Variants in NXN observed in about 807,000 individuals in gnomAD.
NXN encodes nucleoredoxin 1.
NXN carries 16 observed loss-of-function variants against 48.6 expected under a neutral mutation model. The observed-to-expected ratio is 0.33, with a 90% confidence interval of 0.22 to 0.50. The LOEUF is 0.50. Among genes scored for constraint, NXN ranks in the 20% least tolerant of loss-of-function variants. NXN has a pLI of 0.98. For missense variants in NXN, 492 were observed against 605.5 expected, an observed-to-expected ratio of 0.81 and a Z score of 1.97; for synonymous variants, 281 against 269.6, an observed-to-expected ratio of 1.04 and a Z score of -0.41.
At chr17:947,625 C>A (rs955282146) in intron 1 of NXN, among the ~76,000 whole-genome samples, 2 of 148,530 alleles carry the variant, frequency 1.3e-5, no homozygotes, top group African/African-American at 5.0e-5. Flanking sequence ...CCAAGCCACT[C>A]GGGAGGCTGA....
intron 1 of NXN, among the ~76,000 whole-genome samples, chr17:894,735 G>A (rs907702639): frequency 7.9e-5 from 12 of 152,330 alleles, no homozygotes; most frequent in East Asian, 1.9e-4. Context: ...ACTGGTGTCC[G>A]CAGGGACGGG....
chr17:944,473 C>T (rs775117774), intron 1 of NXN, among the ~76,000 whole-genome samples: 3 of 152,318 alleles, frequency 2.0e-5, no homozygotes, highest in East Asian at 1.9e-4. Flanking sequence ...AAAGGCCCTG[C>T]GCTGTGTTCA....
At chr17:903,228 C>G (rs374456617) in intron 1 of NXN, among the ~76,000 whole-genome samples, 1 of 151,792 alleles carries the variant, frequency 6.6e-6, no homozygotes, top group African/African-American at 2.4e-5. Flanking sequence ...TGTTTTGAGA[C>G]AGAGTCTCAC....
chr17:846,670 A>AT (rs200975642), intron 1 of NXN, among the ~76,000 whole-genome samples: 4,645 of 150,456 alleles, frequency 0.031, 93 homozygotes, highest in East Asian at 0.061. Context: ...TAAACATTTG[A>AT]TTTTTTTTTA....
intron 1 of NXN, among the ~76,000 whole-genome samples, chr17:924,214 T>G (rs945621810): frequency 7.0e-6 from 1 of 143,100 alleles, no homozygotes; most frequent in African/African-American, 2.6e-5. Context: ...GACTAATTTT[T>G]TATTTTATTT....
At position 849,633 on chromosome 17, in the gene NXN, G is replaced by A. The variant is rs977137548; in HGVS notation, c.361-23555C>T. On this transcript the variant is annotated intron_variant, in intron 1 of 7. Coordinates refer to ENST00000336868, the MANE Select transcript of NXN (RefSeq NM_022463.5). The surrounding 1 kb of genome is among the most constrained non-coding windows in gnomAD (Gnocchi z 4.2). Reference sequence around the variant, plus strand: ...TGGACTCCCTCTTCCCTCCCTCCACGTCCTTGTCCTCTGGCGGCCAGCTGC... The same window carrying A: ...TGGACTCCCTCTTCCCTCCCTCCACATCCTTGTCCTCTGGCGGCCAGCTGC... Among the ~76,000 whole-genome samples, 2 of 152,114 alleles carry A rather than the reference G, an allele frequency of 1.3e-5. No homozygotes were observed. Among genetic ancestry groups the A allele is most frequent in the African/African-American group, 4.8e-5 (2 of 41,416 alleles).
At chr17:861,076 G>A (rs2144778566) in intron 1 of NXN, among the ~76,000 whole-genome samples, 1 of 152,280 alleles carries the variant, frequency 6.6e-6, no homozygotes, top group East Asian at 1.9e-4. Context: ...CTGGGCAGCT[G>A]GTTCTGAGTG....
At chr17:879,035 G>A (rs536771016) in intron 1 of NXN, among the ~76,000 whole-genome samples, 2 of 151,860 alleles carry the variant, frequency 1.3e-5, no homozygotes, top group Non-Finnish European at 2.9e-5. Flanking sequence ...TGTGGTGGCA[G>A]GCGCCTCTAA....
At chr17:944,350 C>T (rs868188387) in intron 1 of NXN, among the ~76,000 whole-genome samples, 2 of 152,132 alleles carry the variant, frequency 1.3e-5, no homozygotes, top group Non-Finnish European at 2.9e-5. Flanking sequence ...CCATATTGGC[C>T]CCAAACTCCA....
At chr17:861,566 C>G (rs1235221620) in intron 1 of NXN, among the ~76,000 whole-genome samples, 1 of 152,124 alleles carries the variant, frequency 6.6e-6, no homozygotes, top group Non-Finnish European at 1.5e-5. Context: ...AGAGGAAGAG[C>G]TGATTCCAAG....
intron 1 of NXN, among the ~76,000 whole-genome samples, chr17:862,886 G>A (rs748060993): frequency 6.6e-6 from 1 of 152,156 alleles, no homozygotes. Flanking sequence ...ACAGACCTAT[G>A]CTCTAAACGT....
At chr17:850,573 GCTCA>G (rs568830979) in intron 1 of NXN, among the ~76,000 whole-genome samples, 15 of 152,286 alleles carry the variant, frequency 9.8e-5, no homozygotes, top group Admixed American at 3.9e-4. Context: ...GGTTTTGCAA[GCTCA>G]CTGTCTCCAG....
intron 4 of NXN, among the ~76,000 whole-genome samples, chr17:821,772 AAAC>A (rs1040299437): frequency 5.9e-5 from 9 of 151,560 alleles, no homozygotes; most frequent in African/African-American, 2.2e-4. Flanking sequence ...AAAAAACAAA[AAAC>A]AGCCATCCAA....
At chr17:805,763 G>C (rs1211685726) in intron 5 of NXN, among the ~76,000 whole-genome samples, 1 of 152,126 alleles carries the variant, frequency 6.6e-6, no homozygotes, top group Non-Finnish European at 1.5e-5. Context: ...GCTCGAACTC[G>C]GGAGGTGGAG....
rs554702491 is a variant in NXN at position 946,658 on chromosome 17, G to A, written c.360+32661C>T. Among the ~76,000 whole-genome samples the A allele has an allele frequency of 2.7e-4, 41 of 152,306 alleles. No individual in the cohort carries two copies. The South Asian group carries it at 2.7e-3, about 10-fold the overall frequency. Reference sequence around the variant, plus strand: ...CAAAAGTCCCAAAACCACGCTCCCCGTTAGCCTCGGCGCCTCACAGGGAAA... The same window carrying A: ...CAAAAGTCCCAAAACCACGCTCCCCATTAGCCTCGGCGCCTCACAGGGAAA... On this transcript the variant is annotated intron_variant, in intron 1 of 7. Transcript: ENST00000336868.
At position 835,110 on chromosome 17, in the gene NXN, C is replaced by A. The variant is rs180783534; in HGVS notation, c.361-9032G>T. ...GATCACAAGGTCAGGAGATCGAGAC[C>A]ATCCTGGCTAACATGGTGAAACCCT... On this transcript the variant is annotated intron_variant, in intron 1 of 7. Coordinates refer to ENST00000336868, the MANE Select transcript of NXN (RefSeq NM_022463.5). Among the ~76,000 whole-genome samples, 270 of 151,382 alleles carry A rather than the reference C, an allele frequency of 1.8e-3. 5 individuals are homozygous for A. Among genetic ancestry groups the A allele is most frequent in the Non-Finnish European group, 1.9e-3 (128 of 67,748 alleles).
chr17:839,598 C>T (rs995480203), intron 1 of NXN, among the ~76,000 whole-genome samples: 3 of 150,458 alleles, frequency 2.0e-5, no homozygotes. Flanking sequence ...GTCACTTGAG[C>T]TCAGGAGTTC....
chr17:957,503 ACG>A (rs1485548623), intron 1 of NXN, among the ~76,000 whole-genome samples: 1 of 151,576 alleles, frequency 6.6e-6, no homozygotes, highest in Non-Finnish European at 1.5e-5. Context: ...GTGGTGGTGC[ACG>A]CCTGTAGTCC....
At chr17:883,917 A>C (rs1351515733) in intron 1 of NXN, among the ~76,000 whole-genome samples, 2 of 152,108 alleles carry the variant, frequency 1.3e-5, no homozygotes, top group African/African-American at 4.8e-5. Context: ...CTACTAAAAG[A>C]TAACAATAAA....
Sources: allele counts gnomAD v4.1 joint callset (sites outside exome capture counted in the v4.1 genomes callset), GRCh38; gene constraint gnomAD v4.1.1; non-coding constraint Gnocchi (gnomAD v3.1); transcripts MANE v1.5; gene names NCBI Gene and HGNC (gene_info 2026-07-23, HGNC 2026-07-21).